Variants in FHIP1A observed in about 807,000 individuals in gnomAD.
FHIP1A encodes the protein FHF complex subunit HOOK-interacting protein 1A.
In FHIP1A, 61 loss-of-function variants were observed where a neutral mutation model predicts 88.6. That is an observed-to-expected ratio of 0.69 (90% confidence interval 0.56 to 0.85). FHIP1A has a LOEUF of 0.85. Ranked by LOEUF, FHIP1A falls within the 40% of genes least tolerant of loss-of-function variation. The probability of loss-of-function intolerance (pLI) is 0.00; values close to 1 mark genes in which losing one functional copy is unlikely to be tolerated. For synonymous variants in FHIP1A, 478 were observed against 496.0 expected (o/e 0.96, Z 0.48); for missense variants, 1,154 against 1,273.5 (o/e 0.91, Z 1.43).
At chr4:151,537,746 G>C (rs1732122757) in intron 3 of FHIP1A, among the ~76,000 whole-genome samples, 1 of 152,186 alleles carries the variant, frequency 6.6e-6, no homozygotes, top group Admixed American at 6.5e-5. Context: ...TGAGGTAACT[G>C]TGTTAGAAAT....
At chr4:151,413,250 A>C (rs1732747982) in intron 1 of FHIP1A, among the ~76,000 whole-genome samples, 1 of 152,160 alleles carries the variant, frequency 6.6e-6, no homozygotes, top group African/African-American at 2.4e-5. Flanking sequence ...TAAAATTGAA[A>C]AACTCTGTAA....
intron 1 of FHIP1A, among the ~76,000 whole-genome samples, chr4:151,454,349 A>G (rs1226999548): frequency 2.0e-5 from 3 of 152,298 alleles, no homozygotes; most frequent in African/African-American, 7.2e-5. Context: ...GTTTGGGCCA[A>G]AGACTGTTCC....
chr4:151,505,793 A>G (rs983770363), intron 3 of FHIP1A, among the ~76,000 whole-genome samples: 6 of 152,210 alleles, frequency 3.9e-5, no homozygotes, highest in African/African-American at 1.4e-4. Context: ...CCTTGGCAAC[A>G]TAGTGAAAAT....
rs1735606039 is a variant in FHIP1A at position 151,617,966 on chromosome 4, G to A, written c.979-11736G>A. ...GCAGAAGCCTTGCACTGAAGCATAT[G>A]CTGACTTCTCTTATCTCCAAACTGC... On this transcript the variant is annotated intron_variant, in intron 7 of 13. Transcript: ENST00000435205. 2.0e-5 allele frequency among the ~76,000 whole-genome samples: 3 copies of A among 152,196 alleles called. No individual in the cohort carries two copies. The South Asian group carries it at 6.2e-4, about 32-fold the overall frequency.
chr4:151,500,513 G>A (rs1560733615), intron 3 of FHIP1A, among the ~76,000 whole-genome samples: 1 of 151,362 alleles, frequency 6.6e-6, no homozygotes, highest in East Asian at 1.9e-4. Context: ...ATGTCACTTG[G>A]GGCAACTTAC....
intron 10 of FHIP1A, among the ~76,000 whole-genome samples, chr4:151,647,889 C>G (rs1271501752): frequency 6.6e-6 from 1 of 152,170 alleles, no homozygotes; most frequent in African/African-American, 2.4e-5. Context: ...CTGGTGTGAT[C>G]ACTTTTAATG....
At chr4:151,539,605 AACC>A (rs1732200219) in intron 3 of FHIP1A, among the ~76,000 whole-genome samples, 2 of 150,998 alleles carry the variant, frequency 1.3e-5, no homozygotes, top group African/African-American at 4.9e-5. Flanking sequence ...ACGTTCTCTT[AACC>A]AATCTATGTG....
At chr4:151,655,414 T>G (rs531383431) in intron 11 of FHIP1A, among the ~76,000 whole-genome samples, 1 of 152,358 alleles carries the variant, frequency 6.6e-6, no homozygotes, top group East Asian at 1.9e-4. Flanking sequence ...TTGCCTATTT[T>G]TCTTAATGGA....
chr4:151,603,474 T>C (rs543088945), intron 7 of FHIP1A, among the ~76,000 whole-genome samples: 1 of 152,256 alleles, frequency 6.6e-6, no homozygotes, highest in East Asian at 1.9e-4. Context: ...GATGTTGTCT[T>C]TCCCTAAATG....
chr4:151,540,075 C>T (rs183799601), intron 3 of FHIP1A, among the ~76,000 whole-genome samples: 8 of 152,292 alleles, frequency 5.3e-5, no homozygotes, highest in Admixed American at 2.6e-4. Context: ...CAGACCTGTA[C>T]TTAAAGAAAT....
intron 4 of FHIP1A, among the ~76,000 whole-genome samples, chr4:151,567,331 C>A (rs1326325218): frequency 6.6e-6 from 1 of 152,006 alleles, no homozygotes; most frequent in African/African-American, 2.4e-5. Flanking sequence ...AGCACTGAGC[C>A]TGTAAATCAC....
At chr4:151,475,000 G>A (rs924895490) in intron 2 of FHIP1A, among the ~76,000 whole-genome samples, 7 of 152,154 alleles carry the variant, frequency 4.6e-5, no homozygotes, top group Admixed American at 3.3e-4. Context: ...ATTTTCAGTG[G>A]CCTAAAGTCA....
chr4:151,515,667 A>C (rs909695601), intron 3 of FHIP1A, among the ~76,000 whole-genome samples: 6 of 152,292 alleles, frequency 3.9e-5, no homozygotes, highest in South Asian at 2.1e-4. Context: ...TAACAGACAG[A>C]GAGCCAAATC....
chr4:151,510,933 G>C (rs779005250), intron 3 of FHIP1A, among the ~76,000 whole-genome samples: 6 of 152,120 alleles, frequency 3.9e-5, no homozygotes, highest in Non-Finnish European at 8.8e-5. Context: ...CTAATCTCTA[G>C]AGATAACTAA....
At chr4:151,456,829 T>A (rs1728984011) in intron 2 of FHIP1A, among the ~76,000 whole-genome samples, 1 of 152,164 alleles carries the variant, frequency 6.6e-6, no homozygotes, top group Non-Finnish European at 1.5e-5. Flanking sequence ...TGGATTCATA[T>A]GAGATTGTTG....
intron 3 of FHIP1A, among the ~76,000 whole-genome samples, chr4:151,546,463 A>G (rs891910106): frequency 6.6e-6 from 1 of 152,212 alleles, no homozygotes; most frequent in African/African-American, 2.4e-5. Context: ...TCTCTCGTCT[A>G]TCTATCTGTC....
At position 151,624,875 on chromosome 4, in the gene FHIP1A, T is replaced by C. The variant is rs113113819; in HGVS notation, c.979-4827T>C. Reference sequence around the variant, plus strand: ...CAGACTATTTTCAGATCTGGAGTCATTGAACATTTTCTGTCCTGAATTTTT... The same window carrying C: ...CAGACTATTTTCAGATCTGGAGTCACTGAACATTTTCTGTCCTGAATTTTT... On this transcript the variant is annotated intron_variant, in intron 7 of 13. Coordinates refer to ENST00000435205, the MANE Select transcript of FHIP1A (RefSeq NM_001109977.3). Among the ~76,000 whole-genome samples the C allele has an allele frequency of 3.1e-3, 471 of 152,310 alleles. 2 individuals carry two copies. The highest frequency in any genetic ancestry group is 0.011 in the African/African-American group (458 of 41,576).
chr4:151,493,453 TC>T (rs941479958), intron 3 of FHIP1A, among the ~76,000 whole-genome samples: 1 of 151,758 alleles, frequency 6.6e-6, no homozygotes, highest in Non-Finnish European at 1.5e-5. Flanking sequence ...AAAGAGGGAA[TC>T]CTCCCTAAAT....
chr4:151,440,591 A>G (rs1305943663), intron 1 of FHIP1A, among the ~76,000 whole-genome samples: 4 of 152,148 alleles, frequency 2.6e-5, no homozygotes, highest in Admixed American at 1.3e-4. Context: ...AGAAAAATTC[A>G]GTGATTTTCA....
Sources: allele counts gnomAD v4.1 joint callset (sites outside exome capture counted in the v4.1 genomes callset), GRCh38; gene constraint gnomAD v4.1.1; transcripts MANE v1.5; gene names NCBI Gene and HGNC (gene_info 2026-07-23, HGNC 2026-07-21).